Variants in PAF1 observed in about 807,000 individuals in gnomAD.
PAF1 encodes PAF1 component of Paf1/RNA polymerase II complex, also known as RNA polymerase II-associated factor 1 homolog.
A neutral mutation model predicts 68.4 loss-of-function variants in PAF1; 31 were observed. The observed-to-expected ratio is 0.45, with a 90% CI of 0.34 to 0.61. PAF1 has a LOEUF of 0.61. Among genes scored for constraint, PAF1 ranks in the 20% least tolerant of loss-of-function variants. PAF1 has a pLI of 0.01. For missense variants in PAF1, 435 were observed against 692.9 expected, an observed-to-expected ratio of 0.63 and a Z score of 4.18; for synonymous variants, 256 against 240.5, an observed-to-expected ratio of 1.06 and a Z score of -0.60.
At chr19:39,390,795 CA>C (rs2078363896) in intron 1 of PAF1, 22 bp downstream of exon 1, 2 of 1,570,724 alleles carry the variant, frequency 1.3e-6, no homozygotes, top group Non-Finnish European at 1.7e-6. Context: ...CGCCTTGCTG[CA>C]ACAGAAAAGC....
Position 39,388,389 on chromosome 19 carries a change from G to A in PAF1, c.936C>T (p.Phe312=), listed in dbSNP as rs766659723. The change falls in exon 11 of 14, where the codon TTC becomes TTT. Residue 312 remains phenylalanine, a synonymous_variant. Coordinates refer to ENST00000221265, the MANE Select transcript of PAF1 (RefSeq NM_019088.4). ...KASKGYEENY[F]FIFREGDGVY... ...CCCCGTCACCCTCTCGGAAGATGAA[G>A]AAGTAGTTTTCCTCATAGCCCTTGC... The A allele has an allele frequency of 6.2e-7, 1 of 1,614,146 alleles. No individual in the cohort carries two copies. The highest frequency in any genetic ancestry group is 1.7e-5 in the Admixed American group (1 of 60,024).
In PAF1 at chr19:39,388,367, C is replaced by T. The variant is rs769451141; in HGVS notation, c.958G>A (p.Gly320Arg). 10 of 1,613,884 alleles carry T rather than the reference C, an allele frequency of 6.2e-6. No individual in the cohort carries two copies. Among genetic ancestry groups the T allele is most frequent in the Non-Finnish European group, 6.8e-6 (8 of 1,179,948 alleles). ...GTTTCCAACTCATTGTAGTAAACCC[C>T]GTCACCCTCTCGGAAGATGAAGAAG... The part of the protein sequence containing the change: ...NYFFIFREGD[G>R]VYYNELETRV... The change falls in exon 11 of 14, where the codon GGG (glycine) becomes AGG (arginine). Residue 320 changes from glycine to arginine, a missense_variant. Physicochemically the swap from Gly to Arg is moderately radical, Grantham distance 125 (BLOSUM62 -2). Around this residue, in one of 7 missense-constraint regions of PAF1, gnomAD observed 151 missense variants for 306.3 expected, o/e 0.49. Coordinates refer to ENST00000221265, the MANE Select transcript of PAF1 (RefSeq NM_019088.4).
In PAF1 at chr19:39,390,129, T is replaced by C. The variant is rs1568375357; in HGVS notation, c.110A>G (p.Asn37Ser). ...GTCGAAGGGGATATCAGGGAGGCTA[T>C]TGCAGTACTTGACTCGGCAGACCAC... ...SGVVCRVKYCNSLPDIPFDPK... is the reference protein window; with the variant it reads ...SGVVCRVKYCSSLPDIPFDPK... Residue 37 changes from asparagine to serine, a missense_variant, in exon 3 of 14, where the codon AAT becomes AGT. Around this residue, in one of 7 missense-constraint regions of PAF1, gnomAD observed 77 missense variants for 118.2 expected, o/e 0.65. Coordinates refer to ENST00000221265, the MANE Select transcript of PAF1 (RefSeq NM_019088.4). 5 of 1,614,084 alleles carry C rather than the reference T, an allele frequency of 3.1e-6. No homozygotes were observed. Among genetic ancestry groups the C allele is most frequent in the African/African-American group, 1.3e-5 (1 of 75,014 alleles).
At chr19:39,390,730 C>T in intron 1 of PAF1, 88 bp downstream of exon 1, 1 of 1,395,268 alleles carries the variant, frequency 7.2e-7, no homozygotes, top group Non-Finnish European at 1.0e-6. Context: ...CATGACGTCA[C>T]GGGCAGACCT....
Position 39,390,269 on chromosome 19 carries a change from A to G in PAF1, c.68T>C (p.Leu23Pro). Residue 23 changes from leucine (L) to proline (P), a missense_variant, in exon 2 of 14, where the codon CTG (leucine) becomes CCG (proline). Coordinates refer to ENST00000221265, the MANE Select transcript of PAF1 (RefSeq NM_019088.4). ...DGHRPNSHRT[L>P]PERSGVVCRV... ...GCACAGTGGGGCTCACCTCTCAGGC[A>G]GAGTCCGGTGGGAATTGGGCCTAGT... 6.2e-7 allele frequency: 1 copy of G among 1,613,658 alleles called. No individual in the cohort carries two copies. The highest frequency in any genetic ancestry group is 8.5e-7 in the Non-Finnish European group (1 of 1,179,718).
chr19:39,390,119 AG>A lies in PAF1; in HGVS notation c.119del (p.Pro40LeufsTer36). ...VCRVKYCNSL[P>X]DIPFDPKFIT... ...TGAACTTGGGGTCGAAGGGGATATC[AG>A]GGAGGCTATTGCAGTACTTGACTCG... On this transcript the variant is annotated frameshift_variant, in exon 3 of 14. Coordinates refer to ENST00000221265, the MANE Select transcript of PAF1 (RefSeq NM_019088.4). LOFTEE classifies it high-confidence loss of function. The A allele has an allele frequency of 1.2e-6, 2 of 1,614,062 alleles. No individual in the cohort carries two copies. Among genetic ancestry groups the A allele is most frequent in the Non-Finnish European group, 8.5e-7 (1 of 1,179,976 alleles).
rs2078263933 is a variant in PAF1 at position 39,386,882 on chromosome 19, T to C, written c.987-83A>G. ...CACTTCCCCGCCCCCCAGTGAGGGG[T>C]CTGGTCTGACTTGGTTCCCCATCAA... On this transcript the variant is annotated intron_variant, in intron 11 of 13. Transcript: ENST00000221265. The surrounding 1 kb of genome is among the most constrained non-coding windows in gnomAD (Gnocchi z 6.1). 3.2e-6 allele frequency: 3 copies of C among 923,220 alleles called. No homozygotes were observed. In the Admixed American group the frequency reaches 5.3e-5, roughly 16 times the overall value. The allele number at this position is 923,220 out of a possible 1,614,324, so 57.2% of individuals were successfully genotyped here. A position where few individuals can be genotyped will look rare whatever the true frequency, so the allele number is the denominator to read the frequency against.
chr19:39,390,326 G>C (rs746242540), intron 1 of PAF1, 37 bp from the exon 2 acceptor site: 1 of 1,584,666 alleles, frequency 6.3e-7, no homozygotes, highest in Non-Finnish European at 8.6e-7. Context: ...AGGTGGAGAG[G>C]ACGGGATTGA....
chr19:39,389,349 G>T lies in PAF1; in HGVS notation c.394C>A (p.Arg132=), dbSNP rs775209420. ...TCAGTGGAGATGTACTCTGTCTTTC[G>T]CATCCATGGCACCACCTTCGCGTGC... ...QQHAKVVPWM[R]KTEYISTEFN... is the part of the protein sequence containing the mutation. Residue 132 remains arginine (R), a synonymous_variant, in exon 6 of 14, where the codon CGA becomes AGA. Transcript: ENST00000221265. This position sits in a 1 kb window ranked among gnomAD's most constrained non-coding sequence, Gnocchi z 5.3. 1 of 1,614,038 alleles carries T rather than the reference G, an allele frequency of 6.2e-7. No individual in the cohort carries two copies. The highest frequency in any genetic ancestry group is 8.5e-7 in the Non-Finnish European group (1 of 1,179,982).
At position 39,388,879 on chromosome 19, in the gene PAF1, G is replaced by A; in HGVS notation, c.637-14C>T. On this transcript the variant is annotated splice_polypyrimidine_tract_variant and intron_variant, in intron 8 of 13. Transcript: ENST00000221265. ...ATTGATCCACATCTAGGGAGATGGA[G>A]GCACTGGGGTTAGATGGGAACAGGC... 1 of 1,612,126 alleles carries A rather than the reference G, an allele frequency of 6.2e-7. No homozygotes were observed. Among genetic ancestry groups the A allele is most frequent in the Non-Finnish European group, 8.5e-7 (1 of 1,178,130 alleles).
chr19:39,388,830 G>A lies in PAF1; in HGVS notation c.672C>T (p.Asp224=). 1 of 1,614,182 alleles carries A rather than the reference G, an allele frequency of 6.2e-7. No individual in the cohort carries two copies. The highest frequency in any genetic ancestry group is 8.5e-7 in the Non-Finnish European group (1 of 1,180,016). ...WINPCAQVIF[D]SDPAPKDTSG... The stretch of plus-strand genomic sequence containing the variant: ...TCGTGTCCTTGGGGGCTGGGTCTGA[G>A]TCAAAGATCACCTGAGCACATGGAT... Residue 224 remains aspartate (D), a synonymous_variant, in exon 9 of 14, where the codon GAC becomes GAT. Transcript: ENST00000221265.
In PAF1 at chr19:39,388,657, C is replaced by A; in HGVS notation, c.760G>T (p.Gly254Trp). The change falls in exon 10 of 14, where the codon GGG (glycine) becomes TGG (tryptophan). Residue 254 changes from glycine to tryptophan, a missense_variant. Physicochemically the swap from Gly to Trp is radical, Grantham distance 184. This residue lies in a region of PAF1 where 151 missense variants were observed against 306.3 expected (regional missense o/e 0.49). Transcript: ENST00000221265. ...AGGAAATAGGCCACAAACTGGTTCC[C>A]TTCCTCATCCATCATGCCCCTGGTT... Reference protein sequence around the residue: ...AMIRGMMDEEGNQFVAYFLPV... With the variant: ...AMIRGMMDEEWNQFVAYFLPV... 1 of 1,614,158 alleles carries A rather than the reference C, an allele frequency of 6.2e-7. No individual in the cohort carries two copies. The highest frequency in any genetic ancestry group is 8.5e-7 in the Non-Finnish European group (1 of 1,180,000).
At position 39,388,330 on chromosome 19, in the gene PAF1, G is replaced by C. The variant is rs1187487366; in HGVS notation, c.986+9C>G. 2.5e-6 allele frequency: 4 copies of C among 1,613,888 alleles called. No homozygotes were observed. The highest frequency in any genetic ancestry group is 1.3e-5 in the African/African-American group (1 of 74,916). On this transcript the variant is annotated intron_variant, in intron 11 of 13. Coordinates refer to ENST00000221265, the MANE Select transcript of PAF1 (RefSeq NM_019088.4). ...ATCCAGGCTAATCAGATAGGAGTGT[G>C]CTGAGTACCTGGTTTCCAACTCATT...
rs2078246541 is a variant in PAF1 at position 39,386,286 on chromosome 19, C to G, written c.1301G>C (p.Ser434Thr). ...DRDEASDKSG[S>T]GEDESSEDEA... ...ATCCTCGCTGCTCTCGTCCTCACCA[C>G]TGCCACTCTTGTCACTGGCCTCGTC... The change falls in exon 14 of 14, where the codon AGT (serine) becomes ACT (threonine). Residue 434 changes from serine (S) to threonine (T), a missense_variant. Around this residue, in one of 7 missense-constraint regions of PAF1, gnomAD observed 78 missense variants for 80.6 expected, o/e 0.97. Coordinates refer to ENST00000221265, the MANE Select transcript of PAF1 (RefSeq NM_019088.4). This position sits in a 1 kb window ranked among gnomAD's most constrained non-coding sequence, Gnocchi z 6.1. 1.2e-6 allele frequency: 2 copies of G among 1,614,218 alleles called. No homozygotes were observed. Among genetic ancestry groups the G allele is most frequent in the Non-Finnish European group, 1.7e-6 (2 of 1,180,038 alleles).
chr19:39,387,234 G>T, intron 11 of PAF1: 1 of 413,188 alleles, frequency 2.4e-6, no homozygotes, highest in South Asian at 1.8e-5. Context: ...AATACTGCAG[G>T]CAATTGTAAT....
rs77739020 is a variant in PAF1 at position 39,388,317 on chromosome 19, C to G, written c.986+22G>C. 3.4e-3 allele frequency: 5,563 copies of G among 1,613,542 alleles called. 139 individuals carry two copies. In the African/African-American group the frequency reaches 0.057, roughly 17 times the overall value. ...TTAAGAAGCACAGATCCAGGCTAAT[C>G]AGATAGGAGTGTGCTGAGTACCTGG... On this transcript the variant is annotated intron_variant, in intron 11 of 13. Transcript: ENST00000221265.
At position 39,388,440 on chromosome 19, in the gene PAF1, G is replaced by A; in HGVS notation, c.885C>T (p.Tyr295=). Residue 295 remains tyrosine, a synonymous_variant, in exon 11 of 14, where the codon TAC becomes TAT. Coordinates refer to ENST00000221265, the MANE Select transcript of PAF1 (RefSeq NM_019088.4). ...TAGCTTTGTTCTTCACGTTCCAGTT[G>A]TACTCCCGAGCAATTTTGTAGTCAT... ...DVYDYKIARE[Y]NWNVKNKASK... 6.2e-7 allele frequency: 1 copy of A among 1,614,058 alleles called. No individual in the cohort carries two copies. The highest frequency in any genetic ancestry group is 8.5e-7 in the Non-Finnish European group (1 of 1,180,000).
At position 39,385,791 on chromosome 19, in the gene PAF1, C is replaced by G. The variant is rs2078232367; in HGVS notation, c.*200G>C. On this transcript the variant is annotated 3_prime_UTR_variant, in exon 14 of 14. Coordinates refer to ENST00000221265, the MANE Select transcript of PAF1 (RefSeq NM_019088.4). The stretch of plus-strand genomic sequence containing the variant: ...AGCCTCAAGCCAAGATCCTTGAGCA[C>G]CTGGGGGTTGCGGGAGGTATGTGCT... 1.4e-6 allele frequency: 1 copy of G among 736,668 alleles called. No homozygotes were observed. 45.6% of individuals were successfully genotyped at this position (736,668 alleles called of 1,614,324 possible). A position where few individuals can be genotyped will look rare whatever the true frequency, so the allele number is the denominator to read the frequency against.
intron 11 of PAF1, among the ~76,000 whole-genome samples, 175 bp downstream of exon 11, chr19:39,388,164 C>T (rs892148420): frequency 6.6e-6 from 1 of 152,092 alleles, no homozygotes; most frequent in African/African-American, 2.4e-5. Context: ...TTTTTTCTGG[C>T]TCCTCCTGTT....
Sources: gnomAD v4.1 joint callset for allele counts (sites outside exome capture counted in the v4.1 genomes callset) on GRCh38, gnomAD v4.1.1 for gene constraint, gnomAD v4.1.1 regional missense constraint, Gnocchi (gnomAD v3.1) non-coding constraint, MANE v1.5 for transcripts, NCBI Gene and HGNC (gene_info 2026-07-23, HGNC 2026-07-21) for gene names.